FAAH2: variants seen among roughly 807,000 people sequenced by gnomAD.
FAAH2 encodes fatty-acid amide hydrolase 2.
Under a neutral mutation model 36.9 loss-of-function variants are expected in FAAH2, and 60 were observed. The observed-to-expected ratio is 1.63, with a 90% CI of 1.32 to 2.02. FAAH2 has a LOEUF of 2.02. Among genes scored for constraint, FAAH2 ranks in the 30% most tolerant of loss-of-function variants. FAAH2 has a pLI of 0.00. For synonymous variants in FAAH2, 214 were observed against 143.8 expected (o/e 1.49, Z -3.49); for missense variants, 689 against 397.5 (o/e 1.73, Z -6.23).
intron 7 of FAAH2, among the ~76,000 whole-genome samples, chrX:57,382,054 A>G (rs1201225463): frequency 8.9e-6 from 1 of 111,948 alleles, no homozygotes; most frequent in Non-Finnish European, 1.9e-5. Context: ...TGGAAACTGA[A>G]CAACCTGCTC....
At chrX:57,385,099 G>C (rs898026076) in intron 7 of FAAH2, among the ~76,000 whole-genome samples, 1 of 109,863 alleles carries the variant, frequency 9.1e-6, no homozygotes, top group Non-Finnish European at 1.9e-5. Flanking sequence ...TTGGACACAG[G>C]AAGGGGAACA....
chrX:57,454,155 G>A (rs1047227264), intron 10 of FAAH2, among the ~76,000 whole-genome samples: 2 of 111,905 alleles, frequency 1.8e-5, no homozygotes, highest in Non-Finnish European at 3.8e-5. Context: ...CTGCCTGCTA[G>A]CACTCTTAAG....
At chrX:57,189,412 T>C in the FAAH2 span, among the ~76,000 whole-genome samples, 5 of 110,114 alleles carry the variant, frequency 4.5e-5, no homozygotes, top group Non-Finnish European at 5.7e-5. Context: ...TCATTCTCCA[T>C]CCAGTTTTGT....
intron 3 of FAAH2, among the ~76,000 whole-genome samples, chrX:57,328,281 G>T (rs186387686): frequency 9.0e-6 from 1 of 111,589 alleles, no homozygotes; most frequent in African/African-American, 3.3e-5. Context: ...GGGTACTCGG[G>T]GGTCAGGACC....
chrX:57,345,302 A>G (rs1324099353), intron 5 of FAAH2, among the ~76,000 whole-genome samples: 1 of 108,580 alleles, frequency 9.2e-6, no homozygotes, highest in Non-Finnish European at 1.9e-5. Flanking sequence ...TAATTACTGA[A>G]TTAATTTCGA....
chrX:57,444,908 A>T (rs940724582), intron 8 of FAAH2, among the ~76,000 whole-genome samples: 1 of 111,910 alleles, frequency 8.9e-6, no homozygotes, highest in African/African-American at 3.3e-5. Context: ...TAAGTTCATT[A>T]GGCTTCCTCA....
intron 10 of FAAH2, among the ~76,000 whole-genome samples, chrX:57,459,318 G>A (rs957164666): frequency 2.5e-4 from 28 of 112,357 alleles, no homozygotes; most frequent in African/African-American, 8.1e-4. Context: ...AAGAAAGGCA[G>A]CAGCCCCAGG....
At chrX:57,356,246 G>A (rs937804770) in intron 5 of FAAH2, among the ~76,000 whole-genome samples, 8 of 110,455 alleles carry the variant, frequency 7.2e-5, no homozygotes, top group Non-Finnish European at 1.3e-4. Flanking sequence ...AACAGTATAT[G>A]GTTTGGTATC....
At chrX:57,390,459 A>G (rs746027969) in intron 7 of FAAH2, among the ~76,000 whole-genome samples, 12 of 111,531 alleles carry the variant, frequency 1.1e-4, no homozygotes, top group Admixed American at 4.8e-4. Context: ...TTTATCCCAC[A>G]GGTAATTTTT....
intron 7 of FAAH2, among the ~76,000 whole-genome samples, chrX:57,425,771 AACTC>A (rs1355053520): frequency 2.7e-5 from 3 of 111,458 alleles, no homozygotes; most frequent in Non-Finnish European, 5.7e-5. Flanking sequence ...AATAGTATAA[AACTC>A]ACAGGCCAAA....
intron 7 of FAAH2, among the ~76,000 whole-genome samples, chrX:57,401,561 T>A (rs1234100606): frequency 2.7e-5 from 3 of 111,496 alleles, no homozygotes; most frequent in Non-Finnish European, 5.6e-5. Flanking sequence ...TGGGTTTCTG[T>A]ACTCCTAAAA....
chrX:57,289,492 C>A (rs1247427519), intron 1 of FAAH2, among the ~76,000 whole-genome samples: 1 of 110,756 alleles, frequency 9.0e-6, no homozygotes, highest in Non-Finnish European at 1.9e-5. Context: ...TGTTGATGAT[C>A]CGAAAGTCAA....
chrX:57,475,078 T>A (rs2057241110), intron 10 of FAAH2, among the ~76,000 whole-genome samples: 1 of 112,353 alleles, frequency 8.9e-6, no homozygotes, highest in African/African-American at 3.2e-5. Context: ...AAATTCCCTG[T>A]AGATTGTGGA....
At chrX:57,431,456 A>G (rs139240268) in intron 7 of FAAH2, among the ~76,000 whole-genome samples, 1,662 of 112,009 alleles carry the variant, frequency 0.015, 17 homozygotes, top group Non-Finnish European at 0.022. Context: ...AGTCTAAACT[A>G]TGCTATCATT....
intron 10 of FAAH2, among the ~76,000 whole-genome samples, chrX:57,479,377 A>G (rs1258644046): frequency 1.8e-5 from 2 of 111,821 alleles, no homozygotes; most frequent in Non-Finnish European, 3.8e-5. Flanking sequence ...TATCAGCTTA[A>G]GGAGATTTTG....
chrX:57,193,846 C>T, the FAAH2 span, among the ~76,000 whole-genome samples: 7 of 111,752 alleles, frequency 6.3e-5, no homozygotes, highest in Non-Finnish European at 1.3e-4. Context: ...TATGCTGAAC[C>T]GTTCTTGCAT....
the FAAH2 span, among the ~76,000 whole-genome samples, chrX:57,158,176 A>G: frequency 1.8e-5 from 2 of 111,488 alleles, no homozygotes; most frequent in African/African-American, 6.5e-5. Context: ...AAGGACATGA[A>G]CTCATCATTT....
the FAAH2 span, among the ~76,000 whole-genome samples, chrX:57,166,998 A>G: frequency 9.0e-6 from 1 of 111,454 alleles, no homozygotes; most frequent in Non-Finnish European, 1.9e-5. Flanking sequence ...TATATGACCG[A>G]CTACCCAAGA....
chrX:57,289,029 A>C (rs1407753677), intron 1 of FAAH2, among the ~76,000 whole-genome samples: 1 of 112,090 alleles, frequency 8.9e-6, no homozygotes, highest in African/African-American at 3.2e-5. Flanking sequence ...TTTCTTAAAC[A>C]CCTACCATGT....
Sources: allele counts gnomAD v4.1 joint callset (sites outside exome capture counted in the v4.1 genomes callset), GRCh38; gene constraint gnomAD v4.1.1; transcripts MANE v1.5; gene names NCBI Gene and HGNC (gene_info 2026-07-23, HGNC 2026-07-21).